Variants in BMAL2 observed in about 807,000 individuals in gnomAD.
BMAL2 encodes the protein basic helix-loop-helix ARNT like 2, also known as basic helix-loop-helix ARNT-like protein 2.
the BMAL2 span, among the ~76,000 whole-genome samples, chr12:27,333,670 G>A: frequency 6.6e-6 from 1 of 152,382 alleles, no homozygotes; most frequent in African/African-American, 2.4e-5. Flanking sequence ...CGTGGACGCG[G>A]GGCCACACTC....
the BMAL2 span, among the ~76,000 whole-genome samples, chr12:27,350,620 T>C: frequency 1.3e-5 from 2 of 152,182 alleles, no homozygotes; most frequent in African/African-American, 4.8e-5. Context: ...GTGATATAAA[T>C]TTATCCTTTC....
chr12:27,406,562 C>T, the BMAL2 span, among the ~76,000 whole-genome samples: 1 of 152,134 alleles, frequency 6.6e-6, no homozygotes, highest in Admixed American at 6.5e-5. Flanking sequence ...TTTGTCACCA[C>T]CAGGACTGCC....
At chr12:27,418,934 G>A in the BMAL2 span, among the ~76,000 whole-genome samples, 8 of 149,224 alleles carry the variant, frequency 5.4e-5, no homozygotes, top group Admixed American at 2.0e-4. Context: ...AGCCAATGTC[G>A]TACTGCTGCA....
chr12:27,420,150 T>A, the BMAL2 span, among the ~76,000 whole-genome samples: 1 of 152,194 alleles, frequency 6.6e-6, no homozygotes, highest in Non-Finnish European at 1.5e-5. Context: ...AGCTTACTTC[T>A]CTGTAGCAGA....
At chr12:27,378,340 T>C in the BMAL2 span, among the ~76,000 whole-genome samples, 1 of 152,180 alleles carries the variant, frequency 6.6e-6, no homozygotes, top group South Asian at 2.1e-4. Context: ...GGTACTGAGG[T>C]AGCTTAGAGA....
the BMAL2 span, chr12:27,423,172 T>G: frequency 2.0e-5 from 3 of 152,194 alleles, no homozygotes; most frequent in Non-Finnish European, 4.4e-5. Context: ...TAAATTTGAT[T>G]TTTGCTGTTA....
chr12:27,385,658 T>C, the BMAL2 span: 1 of 734,198 alleles, frequency 1.4e-6, no homozygotes, highest in South Asian at 1.7e-5. Context: ...TCTAAACATA[T>C]GGGACTCCAT....
chr12:27,401,974 G>A, the BMAL2 span, among the ~76,000 whole-genome samples: 2 of 152,124 alleles, frequency 1.3e-5, no homozygotes, highest in Admixed American at 6.6e-5. Flanking sequence ...ATGCAGACGT[G>A]GATTTCTACT....
chr12:27,376,726 C>T, the BMAL2 span, among the ~76,000 whole-genome samples: 14 of 152,228 alleles, frequency 9.2e-5, no homozygotes, highest in Admixed American at 2.0e-4. Flanking sequence ...CTCGGCCTGG[C>T]GCAGTGGCTT....
At chr12:27,370,235 G>T in the BMAL2 span, 1 of 1,601,746 alleles carries the variant, frequency 6.2e-7, no homozygotes, top group Non-Finnish European at 8.6e-7. Flanking sequence ...CAGCAGGTAA[G>T]TCCTGGACTG....
At chr12:27,407,726 C>G in the BMAL2 span, among the ~76,000 whole-genome samples, 1 of 151,970 alleles carries the variant, frequency 6.6e-6, no homozygotes. Context: ...TAGCAGAAGA[C>G]AAGAAATAAC....
At chr12:27,412,745 G>T in the BMAL2 span, among the ~76,000 whole-genome samples, 1 of 151,780 alleles carries the variant, frequency 6.6e-6, no homozygotes, top group Non-Finnish European at 1.5e-5. Context: ...TCAGAGAAGG[G>T]AATGTTCATT....
the BMAL2 span, among the ~76,000 whole-genome samples, chr12:27,351,492 C>T: frequency 6.6e-6 from 1 of 152,274 alleles, no homozygotes; most frequent in South Asian, 2.1e-4. Context: ...CTTGAATGCG[C>T]TTTTCAAATA....
the BMAL2 span, among the ~76,000 whole-genome samples, chr12:27,403,040 C>G: frequency 6.6e-6 from 1 of 152,210 alleles, no homozygotes; most frequent in Non-Finnish European, 1.5e-5. Context: ...TAGCAGCTAA[C>G]ATTGTTCCTT....
chr12:27,373,053 A>C, the BMAL2 span, among the ~76,000 whole-genome samples: 2 of 152,086 alleles, frequency 1.3e-5, no homozygotes, highest in African/African-American at 2.4e-5. Context: ...TCAAAGAATC[A>C]CCCTGGAAAC....
At chr12:27,412,136 C>T in the BMAL2 span, among the ~76,000 whole-genome samples, 1 of 152,128 alleles carries the variant, frequency 6.6e-6, no homozygotes, top group Admixed American at 6.5e-5. Flanking sequence ...GTTCTTGGCA[C>T]CCTTAGTGAA....
the BMAL2 span, among the ~76,000 whole-genome samples, chr12:27,383,715 G>A: frequency 3.3e-5 from 5 of 152,286 alleles, no homozygotes; most frequent in East Asian, 1.9e-4. Flanking sequence ...CAGAGTCTGC[G>A]TTCTTCATTC....
At chr12:27,398,524 T>G in the BMAL2 span, among the ~76,000 whole-genome samples, 18,454 of 152,012 alleles carry the variant, frequency 0.12, 1,803 homozygotes, top group African/African-American at 0.26. Flanking sequence ...AGCTGTATTT[T>G]TTTCTTTTCT....
the BMAL2 span, among the ~76,000 whole-genome samples, chr12:27,349,558 T>C: frequency 6.6e-6 from 1 of 152,206 alleles, no homozygotes; most frequent in Non-Finnish European, 1.5e-5. Context: ...TTTTAATATT[T>C]ACACCCTTCA....
Sources: allele counts gnomAD v4.1 joint callset (sites outside exome capture counted in the v4.1 genomes callset), GRCh38; gene constraint gnomAD v4.1.1; transcripts MANE v1.5; gene names NCBI Gene and HGNC (gene_info 2026-07-23, HGNC 2026-07-21).